Variants in DLC1 observed in about 807,000 individuals in gnomAD.
DLC1 encodes DLC1 Rho GTPase activating protein, also known as rho GTPase-activating protein 7.
Under a neutral mutation model 140.3 loss-of-function variants are expected in DLC1, and 54 were observed. That is an observed-to-expected ratio of 0.38 (90% confidence interval 0.31 to 0.48). The LOEUF is 0.48. Among genes scored for constraint, DLC1 ranks in the 20% least tolerant of loss-of-function variants. The pLI is 0.96. For missense variants in DLC1, 2,536 were observed against 1,907.0 expected (o/e 1.33, Z -6.14); for synonymous variants, 986 against 728.1 (o/e 1.35, Z -5.70).
intron 4 of DLC1, among the ~76,000 whole-genome samples, chr8:13,317,286 A>G (rs138308051): frequency 9.1e-4 from 139 of 152,312 alleles, no homozygotes; most frequent in African/African-American, 3.2e-3. Flanking sequence ...AAGTATGAAA[A>G]CGTTAGTGTC....
At chr8:13,337,688 A>T (rs1317455203) in intron 4 of DLC1, among the ~76,000 whole-genome samples, 1 of 152,226 alleles carries the variant, frequency 6.6e-6, no homozygotes, top group Non-Finnish European at 1.5e-5. Context: ...GAATATGTAC[A>T]TATGTAATTT....
At chr8:13,149,085 C>A (rs1485835924) in intron 5 of DLC1, among the ~76,000 whole-genome samples, 3 of 152,182 alleles carry the variant, frequency 2.0e-5, no homozygotes, top group Non-Finnish European at 4.4e-5. Flanking sequence ...AGCCACTGCG[C>A]CCAGCCAATA....
At chr8:13,581,886 A>G (rs1385950852) in intron 1 of DLC1, among the ~76,000 whole-genome samples, 1 of 152,150 alleles carries the variant, frequency 6.6e-6, no homozygotes, top group African/African-American at 2.4e-5. Context: ...ACTGTAGTTC[A>G]TGCAATCTGA....
intron 1 of DLC1, among the ~76,000 whole-genome samples, chr8:13,579,893 C>T (rs1335633093): frequency 6.6e-6 from 1 of 151,756 alleles, no homozygotes; most frequent in Non-Finnish European, 1.5e-5. Context: ...CCTAAGCACT[C>T]TCTAGAATGG....
At chr8:13,455,791 A>G (rs961076383) in intron 2 of DLC1, among the ~76,000 whole-genome samples, 2 of 152,214 alleles carry the variant, frequency 1.3e-5, no homozygotes, top group East Asian at 1.9e-4. Flanking sequence ...CTGGAGGAGC[A>G]CTTGAACCCA....
intron 5 of DLC1, among the ~76,000 whole-genome samples, chr8:13,116,449 C>A (rs7006338): frequency 0.023 from 3,564 of 152,244 alleles, 119 homozygotes; most frequent in African/African-American, 0.076. Flanking sequence ...TCTCTGCTTG[C>A]ACAAAGAATA....
intron 8 of DLC1, among the ~76,000 whole-genome samples, chr8:13,101,083 A>AT (rs1385059791): frequency 1.3e-5 from 2 of 151,732 alleles, no homozygotes; most frequent in Non-Finnish European, 2.9e-5. Flanking sequence ...TCTTTTTTAA[A>AT]TTTTTTGTAG....
Position 13,100,396 on chromosome 8 carries a change from G to T in DLC1, c.1941C>A (p.Ser647=). The change falls in exon 9 of 18, where the codon TCC becomes TCA. Residue 647 remains serine, a synonymous_variant. Coordinates refer to ENST00000276297, the MANE Select transcript of DLC1 (RefSeq NM_182643.3). ...FGSLPSPKEL[S]SFSFSMKGHE... is the part of the protein sequence containing the mutation. Reference sequence around the variant, plus strand: ...GGCCTTTCATGCTGAAGCTGAAGCTGGACAGTTCCTTGGGAGAGGGCAGGC... The same window carrying T: ...GGCCTTTCATGCTGAAGCTGAAGCTTGACAGTTCCTTGGGAGAGGGCAGGC... 6.2e-7 allele frequency: 1 copy of T among 1,614,162 alleles called. No individual in the cohort carries two copies. The highest frequency in any genetic ancestry group is 8.5e-7 in the Non-Finnish European group (1 of 1,180,040).
At chr8:13,234,757 C>T (rs978507325) in intron 5 of DLC1, among the ~76,000 whole-genome samples, 13 of 151,878 alleles carry the variant, frequency 8.6e-5, no homozygotes, top group East Asian at 1.9e-4. Context: ...CACATTAAAT[C>T]GGATAAAGCT....
At chr8:13,545,394 C>T (rs186328453) in intron 1 of DLC1, among the ~76,000 whole-genome samples, 1 of 151,864 alleles carries the variant, frequency 6.6e-6, no homozygotes, top group Admixed American at 6.6e-5. Flanking sequence ...AAATGTCAGG[C>T]AGGAAAACTT....
intron 5 of DLC1, chr8:13,133,029 C>G (rs767578361): frequency 1.3e-6 from 2 of 1,588,800 alleles, no homozygotes; most frequent in South Asian, 2.3e-5. Flanking sequence ...TCGAGGCAGG[C>G]GGAGGCGGCT....
At chr8:13,359,099 C>T (rs561373054) in intron 4 of DLC1, among the ~76,000 whole-genome samples, 5 of 152,212 alleles carry the variant, frequency 3.3e-5, no homozygotes, top group South Asian at 4.1e-4. Context: ...CCACCACGCC[C>T]GGCTAATTTT....
intron 5 of DLC1, among the ~76,000 whole-genome samples, chr8:13,118,004 C>CTTTTTTTTTTTTTT (rs35775672): frequency 8.7e-6 from 1 of 114,976 alleles, no homozygotes; most frequent in African/African-American, 3.4e-5. Context: ...TGTTCTCTTT[C>CTTTTTTTTTTTTTT]TTTTTTTTTT....
chr8:13,491,822 A>G (rs1432387522), intron 2 of DLC1, among the ~76,000 whole-genome samples: 2 of 152,204 alleles, frequency 1.3e-5, no homozygotes. Context: ...GTTCTTCTGC[A>G]TCTTTATAAC....
intron 2 of DLC1, 120 bp from the exon 3 acceptor site, chr8:13,401,739 A>T (rs1023953794): frequency 1.1e-5 from 15 of 1,308,126 alleles, no homozygotes; most frequent in Non-Finnish European, 1.4e-5. Context: ...TTTAATTAGA[A>T]GAGAAGTTCC....
chr8:13,313,372 G>A (rs1258063982), intron 4 of DLC1, among the ~76,000 whole-genome samples: 1 of 152,186 alleles, frequency 6.6e-6, no homozygotes, highest in African/African-American at 2.4e-5. Flanking sequence ...CCACGCTGAA[G>A]ACTGAAACAA....
chr8:13,423,050 C>G (rs1348142994), intron 2 of DLC1, among the ~76,000 whole-genome samples: 1 of 152,116 alleles, frequency 6.6e-6, no homozygotes, highest in African/African-American at 2.4e-5. Context: ...ATGTAAGACT[C>G]TAGCTCTAGC....
intron 4 of DLC1, among the ~76,000 whole-genome samples, chr8:13,383,256 T>C (rs1836354783): frequency 6.6e-6 from 1 of 152,234 alleles, no homozygotes; most frequent in African/African-American, 2.4e-5. Flanking sequence ...AGGATTTGTA[T>C]AGACCAGTGA....
At chr8:13,253,400 G>A (rs78672352) in intron 5 of DLC1, among the ~76,000 whole-genome samples, 4,498 of 152,032 alleles carry the variant, frequency 0.03, 135 homozygotes, top group African/African-American at 0.073. Context: ...TCTTGTGTAA[G>A]TGGTGGTTCT....
Sources: allele counts gnomAD v4.1 joint callset (sites outside exome capture counted in the v4.1 genomes callset), GRCh38; gene constraint gnomAD v4.1.1; transcripts MANE v1.5; gene names NCBI Gene and HGNC (gene_info 2026-07-23, HGNC 2026-07-21).